PKHD1L1: variants seen among roughly 807,000 people sequenced by gnomAD.
PKHD1L1 encodes fibrocystin-L.
Under a neutral mutation model 462.9 loss-of-function variants are expected in PKHD1L1, and 434 were observed. The observed-to-expected ratio is 0.94, with a 90% CI of 0.87 to 1.02. The LOEUF is 1.02. Among genes scored for constraint, PKHD1L1 ranks in the 50% least tolerant of loss-of-function variants. The pLI is 0.00. For missense variants in PKHD1L1, 5,202 were observed against 5,096.1 expected (o/e 1.02, Z -0.63); for synonymous variants, 1,781 against 1,750.0 (o/e 1.02, Z -0.44).
rs1015263790 is a variant in PKHD1L1 at position 109,362,499 on chromosome 8, G to A, written c.-82G>A. On this transcript the variant is annotated 5_prime_UTR_variant, in exon 1 of 78. Coordinates refer to ENST00000378402, the MANE Select transcript of PKHD1L1 (RefSeq NM_177531.6). Reference sequence around the variant, plus strand: ...CCCGGGACGAAGCGGGCCCGCCAGCGAGTCGCAGTCCCAGGAGCCGAGCTC... The same window carrying A: ...CCCGGGACGAAGCGGGCCCGCCAGCAAGTCGCAGTCCCAGGAGCCGAGCTC... 10 of 1,364,542 alleles carry A rather than the reference G, an allele frequency of 7.3e-6. No homozygotes were observed. The highest frequency in any genetic ancestry group is 2.9e-5 in the African/African-American group (2 of 69,116). The allele number at this position is 1,364,542 out of a possible 1,614,324, so 84.5% of individuals were successfully genotyped here.
In PKHD1L1 at chr8:109,497,212, A is replaced by C. The variant is rs754216772; in HGVS notation, c.10539A>C (p.Pro3513=). 56 of 1,613,558 alleles carry C rather than the reference A, an allele frequency of 3.5e-5. No individual in the cohort carries two copies. The highest frequency in any genetic ancestry group is 4.5e-5 in the Non-Finnish European group (53 of 1,179,662). ...TLVDNGMAIF[P]MIYMPAAISH... is the part of the protein sequence containing the mutation. ...TTGACAATGGAATGGCCATTTTTCCAATGATTTACATGCCAGCTGCTATAT... is the reference window on the plus strand; with the variant it reads ...TTGACAATGGAATGGCCATTTTTCCCATGATTTACATGCCAGCTGCTATAT... The change falls in exon 65 of 78, where the codon CCA becomes CCC. Residue 3513 remains proline, a synonymous_variant. Transcript: ENST00000378402.
At chr8:109,362,873 G>A (rs1018992797) in intron 1 of PKHD1L1, among the ~76,000 whole-genome samples, 18 of 152,236 alleles carry the variant, frequency 1.2e-4, no homozygotes, top group Non-Finnish European at 2.6e-4. Flanking sequence ...CAGAGAAAGA[G>A]ATTGCGAGAG....
intron 2 of PKHD1L1, among the ~76,000 whole-genome samples, chr8:109,366,371 T>C (rs1811230850): frequency 6.6e-6 from 1 of 152,212 alleles, no homozygotes; most frequent in Non-Finnish European, 1.5e-5. Flanking sequence ...TTCTCATATG[T>C]CTTTCTCAGA....
rs1302527499 is a variant in PKHD1L1, at chr8:109,527,133, A to G, written c.12721+113A>G. 8 of 901,476 alleles carry G rather than the reference A, an allele frequency of 8.9e-6. 1 individual carries two copies. The highest frequency in any genetic ancestry group is 5.4e-5 in the Admixed American group (2 of 37,144). 55.8% of individuals were successfully genotyped at this position (901,476 alleles called of 1,614,324 possible). On this transcript the variant is annotated intron_variant, in intron 77 of 77. Transcript: ENST00000378402. ...ATGATATCACTGTGTGCACAAAGAGAAAGTAACAGCCTCAATAGCAGAGAC... is the reference window on the plus strand; with the variant it reads ...ATGATATCACTGTGTGCACAAAGAGGAAGTAACAGCCTCAATAGCAGAGAC...
chr8:109,407,577 T>C (rs565956429), intron 17 of PKHD1L1, among the ~76,000 whole-genome samples: 1 of 152,304 alleles, frequency 6.6e-6, no homozygotes, highest in Non-Finnish European at 1.5e-5. Flanking sequence ...ATTATCATAC[T>C]AAGTGGCATG....
intron 67 of PKHD1L1, among the ~76,000 whole-genome samples, chr8:109,503,622 A>G (rs1819546688): frequency 6.6e-6 from 1 of 152,186 alleles, no homozygotes; most frequent in Admixed American, 6.6e-5. Context: ...AAGTTTTTGG[A>G]TCCAATCAAT....
intron 73 of PKHD1L1, 43 bp from the exon 74 acceptor site, chr8:109,522,143 C>G (rs1159997117): frequency 6.6e-7 from 1 of 1,512,642 alleles, no homozygotes; most frequent in South Asian, 1.2e-5. Flanking sequence ...TCTCACAATT[C>G]TATACTTTTA....
chr8:109,491,922 A>C lies in PKHD1L1; in HGVS notation c.10164A>C (p.Ala3388=), dbSNP rs781084023. ...NANRVRGNLI[A]LSVWPGTYQN... is the part of the protein sequence containing the mutation. ...ACCGAGTCCGAGGGAATTTGATTGC[A>C]CTTTCGGTTTGGCCAGGAACCTATC... The change falls in exon 62 of 78, where the codon GCA becomes GCC. Residue 3388 remains alanine, a synonymous_variant. Coordinates refer to ENST00000378402, the MANE Select transcript of PKHD1L1 (RefSeq NM_177531.6). The C allele has an allele frequency of 7.5e-6, 12 of 1,604,792 alleles. No individual in the cohort carries two copies. In the East Asian group the frequency reaches 8.9e-5, roughly 12 times the overall value.
chr8:109,436,233 C>T, intron 29 of PKHD1L1, 105 bp from the exon 30 acceptor site: 2 of 1,186,722 alleles, frequency 1.7e-6, no homozygotes, highest in South Asian at 1.5e-5. Flanking sequence ...TCTCTTGGAT[C>T]ATTAGACTAT....
In PKHD1L1 at chr8:109,420,663, AC is replaced by A; in HGVS notation, c.2673del (p.Met892Ter). On this transcript the variant is annotated frameshift_variant, in exon 23 of 78. Transcript: ENST00000378402. LOFTEE classifies it high-confidence loss of function. ...MTSYNCSYNI[P>X]MMAVSFGQII... The stretch of plus-strand genomic sequence containing the variant: ...CTTCATACAATTGCAGTTACAATAT[AC>A]CCATGATGGCTGTGAGCTTTGGGCA... 6.3e-7 allele frequency: 1 copy of A among 1,594,508 alleles called. No homozygotes were observed. The highest frequency in any genetic ancestry group is 8.5e-7 in the Non-Finnish European group (1 of 1,172,400).
intron 27 of PKHD1L1, among the ~76,000 whole-genome samples, chr8:109,432,887 G>A (rs1024332253): frequency 5.9e-5 from 9 of 152,032 alleles, no homozygotes; most frequent in Admixed American, 2.6e-4. Flanking sequence ...TCAACACACA[G>A]ATTCAAAATA....
At chr8:109,371,609 G>T (rs574137285) in intron 2 of PKHD1L1, among the ~76,000 whole-genome samples, 3,218 of 142,418 alleles carry the variant, frequency 0.023, 112 homozygotes, top group African/African-American at 0.079. Context: ...TATTGCCTAG[G>T]TTTTCTTCTA....
At position 109,384,073 on chromosome 8, in the gene PKHD1L1, A is replaced by G. The variant is rs1812305344; in HGVS notation, c.421A>G (p.Lys141Glu). The G allele has an allele frequency of 5.0e-6, 8 of 1,607,324 alleles. No individual in the cohort carries two copies. The highest frequency in any genetic ancestry group is 2.2e-5 in the South Asian group (2 of 90,836). ...ATTGACATTATTCTTTTTACAGGCA[A>G]AAAGTTTTAGAACCCCAACAATAAG... ...INSWECTFNAKSFRTPTIRSI... is the reference protein window; with the variant it reads ...INSWECTFNAESFRTPTIRSI... Residue 141 changes from lysine to glutamate, a missense_variant, in exon 5 of 78, where the codon AAA becomes GAA. Physicochemically the swap from Lys to Glu is moderately conservative, Grantham distance 56 (BLOSUM62 1). Around this residue, in one of 3 missense-constraint regions of PKHD1L1, gnomAD observed 4,497 missense variants for 4,336.8 expected, o/e 1.04. Coordinates refer to ENST00000378402, the MANE Select transcript of PKHD1L1 (RefSeq NM_177531.6).
chr8:109,437,428 G>A (rs964211338), intron 30 of PKHD1L1, among the ~76,000 whole-genome samples: 1 of 151,414 alleles, frequency 6.6e-6, no homozygotes. Context: ...GTGCCATGTT[G>A]GTGTGCTGCA....
At chr8:109,375,233 C>T (rs1434403253) in intron 2 of PKHD1L1, among the ~76,000 whole-genome samples, 16 of 152,126 alleles carry the variant, frequency 1.1e-4, no homozygotes, top group East Asian at 5.8e-4. Context: ...CTTCTCTTCA[C>T]GCTTCATTTC....
In PKHD1L1 at chr8:109,522,174, T is replaced by C. The variant is rs1221591321; in HGVS notation, c.12032-12T>C. ...TTTTATAATCCAAATGTCATAATACTTTTCCCCATAGGTCAGATGCAGTTA... is the reference window on the plus strand; with the variant it reads ...TTTTATAATCCAAATGTCATAATACCTTTCCCCATAGGTCAGATGCAGTTA... On this transcript the variant is annotated splice_polypyrimidine_tract_variant and intron_variant, in intron 73 of 77. Coordinates refer to ENST00000378402, the MANE Select transcript of PKHD1L1 (RefSeq NM_177531.6). 1.3e-6 allele frequency: 2 copies of C among 1,584,698 alleles called. No homozygotes were observed. The highest frequency in any genetic ancestry group is 1.7e-6 in the Non-Finnish European group (2 of 1,157,748).
chr8:109,392,050 T>G (rs536439243), intron 9 of PKHD1L1, among the ~76,000 whole-genome samples: 22 of 152,302 alleles, frequency 1.4e-4, no homozygotes, highest in African/African-American at 5.3e-4. Context: ...TCCCATAACT[T>G]AACAGTTATT....
Position 109,410,553 on chromosome 8 carries a change from G to T in PKHD1L1, c.2085+575G>T, listed in dbSNP as rs138991771. Among the ~76,000 whole-genome samples the T allele has an allele frequency of 6.3e-3, 964 of 151,992 alleles. 7 individuals are homozygous for T. The highest frequency in any genetic ancestry group is 0.051 in the Middle Eastern group (15 of 292). On this transcript the variant is annotated intron_variant, in intron 19 of 77. Coordinates refer to ENST00000378402, the MANE Select transcript of PKHD1L1 (RefSeq NM_177531.6). ...CACTCACTATCATGAGAACAGCACC[G>T]ATGGGATGGTGCTAAGCCATTCATG...
intron 50 of PKHD1L1, among the ~76,000 whole-genome samples, chr8:109,474,629 CAT>C (rs1817886306): frequency 6.6e-6 from 1 of 151,948 alleles, no homozygotes; most frequent in African/African-American, 2.4e-5. Context: ...GCTCAACAGA[CAT>C]AGAAAACTCT....
Sources: allele counts gnomAD v4.1 joint callset (sites outside exome capture counted in the v4.1 genomes callset), GRCh38; gene constraint gnomAD v4.1.1; regional missense constraint gnomAD v4.1.1; transcripts MANE v1.5; gene names NCBI Gene and HGNC (gene_info 2026-07-23, HGNC 2026-07-21).